The following TBC1D22A variants were observed in gnomAD, a reference collection of about 807,000 sequenced individuals.
The protein encoded by TBC1D22A is putative GTPase activator.
In TBC1D22A, 38 loss-of-function variants were observed where a neutral mutation model predicts 60.2. The observed-to-expected ratio is 0.63, with a 90% confidence interval of 0.49 to 0.83. The LOEUF (loss-of-function observed/expected upper bound fraction) is 0.83. Ranked by LOEUF, TBC1D22A falls within the 40% of genes least tolerant of loss-of-function variation. The pLI, the probability that TBC1D22A is intolerant of heterozygous loss-of-function variation, is 0.00. For missense variants in TBC1D22A, 628 were observed against 701.0 expected (o/e 0.90, Z 1.18); for synonymous variants, 302 against 281.7 (o/e 1.07, Z -0.72).
intron 6 of TBC1D22A, among the ~76,000 whole-genome samples, chr22:46,892,346 G>T (rs898747101): frequency 1.1e-4 from 16 of 151,348 alleles, no homozygotes; most frequent in African/African-American, 3.6e-4. Flanking sequence ...ACATAACAAA[G>T]ATTCTTTAAG....
At chr22:47,007,410 G>A (rs1230258791) in intron 10 of TBC1D22A, among the ~76,000 whole-genome samples, 2 of 152,246 alleles carry the variant, frequency 1.3e-5, no homozygotes, top group African/African-American at 4.8e-5. Flanking sequence ...AGAGCTACAG[G>A]TGCATTGTAA....
intron 7 of TBC1D22A, among the ~76,000 whole-genome samples, chr22:46,900,238 G>A (rs918685685): frequency 8.8e-5 from 13 of 148,408 alleles, no homozygotes; most frequent in East Asian, 2.1e-4. Flanking sequence ...TGCAACCTCC[G>A]CCTCCTGGGT....
Position 47,174,520 on chromosome 22 carries a change from G to A in TBC1D22A, c.*894G>A, listed in dbSNP as rs1352575550. On this transcript the variant is annotated 3_prime_UTR_variant, in exon 13 of 13. Coordinates refer to ENST00000337137, the MANE Select transcript of TBC1D22A (RefSeq NM_014346.5). ...CACAGTGCTCTTCTCACCGCAGCCT[G>A]GAAGCGGAATGAGCTTTTGGAGACT... 6.6e-6 allele frequency: 1 copy of A among 152,268 alleles called. No homozygotes were observed. Among genetic ancestry groups the A allele is most frequent in the Non-Finnish European group, 1.5e-5 (1 of 68,080 alleles). The allele number at this position is 152,268 out of a possible 1,614,324, so 9.4% of individuals were successfully genotyped here.
intron 12 of TBC1D22A, among the ~76,000 whole-genome samples, chr22:47,146,860 G>A (rs1178155818): frequency 6.6e-6 from 1 of 152,246 alleles, no homozygotes; most frequent in Non-Finnish European, 1.5e-5. Context: ...CAGGTCAAGA[G>A]GCTAGGAGAG....
rs773347703 is a variant in TBC1D22A, at chr22:46,912,136, T to C, written c.963T>C (p.Gly321=). Residue 321 remains glycine (G), a synonymous_variant, in exon 8 of 13, where the codon GGT becomes GGC. Coordinates refer to ENST00000337137, the MANE Select transcript of TBC1D22A (RefSeq NM_014346.5). ...IRHPASGYVQ[G]INDLVTPFFV... ...ACCCAGCCAGTGGATACGTTCAGGG[T>C]ATAAATGATCTCGTCACTCCTTTCT... 2 of 1,614,140 alleles carry C rather than the reference T, an allele frequency of 1.2e-6. No homozygotes were observed. Among genetic ancestry groups the C allele is most frequent in the African/African-American group, 2.7e-5 (2 of 75,054 alleles).
chr22:46,852,611 C>G (rs907627877), intron 4 of TBC1D22A, among the ~76,000 whole-genome samples: 1 of 152,158 alleles, frequency 6.6e-6, no homozygotes, highest in African/African-American at 2.4e-5. Context: ...TCCACGAGGC[C>G]TCTGCCTTTG....
At chr22:47,117,879 T>C (rs1569457131) in intron 12 of TBC1D22A, among the ~76,000 whole-genome samples, 2 of 152,108 alleles carry the variant, frequency 1.3e-5, no homozygotes, top group Admixed American at 1.3e-4. Context: ...TCCCAGCACT[T>C]TGGGAGGCAG....
At chr22:46,902,952 G>A (rs550920382) in intron 7 of TBC1D22A, among the ~76,000 whole-genome samples, 3 of 151,088 alleles carry the variant, frequency 2.0e-5, no homozygotes, top group African/African-American at 2.5e-5. Context: ...TTCCAGGGTG[G>A]CTGAAAGAAT....
intron 10 of TBC1D22A, among the ~76,000 whole-genome samples, chr22:47,029,960 G>A (rs1221708373): frequency 6.6e-6 from 1 of 152,210 alleles, no homozygotes; most frequent in East Asian, 1.9e-4. Flanking sequence ...GGTTCTTGGT[G>A]TTCTGGCTGG....
intron 8 of TBC1D22A, among the ~76,000 whole-genome samples, chr22:46,936,508 C>T (rs1286567311): frequency 1.3e-5 from 2 of 152,286 alleles, no homozygotes; most frequent in Non-Finnish European, 2.9e-5. Context: ...GGCCTGGGGC[C>T]AGGGCCGGCA....
chr22:47,167,046 C>T (rs1205586743), intron 12 of TBC1D22A, among the ~76,000 whole-genome samples: 1 of 152,238 alleles, frequency 6.6e-6, no homozygotes, highest in African/African-American at 2.4e-5. Context: ...GTTTAGTATA[C>T]AGCTAATGCA....
Position 46,882,263 on chromosome 22 carries a change from G to T in TBC1D22A, c.708+3540G>T, listed in dbSNP as rs113065224. ...ATGCAGTCCACAGAGTGCCTACCCT[G>T]CGGCTAGGCAGGGAATGGGAGGCGA... On this transcript the variant is annotated intron_variant, in intron 5 of 12. Coordinates refer to ENST00000337137, the MANE Select transcript of TBC1D22A (RefSeq NM_014346.5). 9.3e-4 allele frequency among the ~76,000 whole-genome samples: 142 copies of T among 152,262 alleles called. 1 individual carries two copies. The highest frequency in any genetic ancestry group is 3.2e-3 in the African/African-American group (133 of 41,540).
intron 12 of TBC1D22A, among the ~76,000 whole-genome samples, chr22:47,117,918 T>C (rs1476234700): frequency 6.6e-6 from 1 of 151,294 alleles, no homozygotes; most frequent in African/African-American, 2.4e-5. Context: ...AGGTTAGGAG[T>C]TCGAGACCAG....
intron 10 of TBC1D22A, among the ~76,000 whole-genome samples, chr22:47,025,615 G>A (rs1434153406): frequency 6.6e-6 from 1 of 152,222 alleles, no homozygotes; most frequent in East Asian, 1.9e-4. Context: ...GAAACGTATA[G>A]TACTTCCCTT....
At chr22:46,829,228 C>T (rs1057223699) in intron 4 of TBC1D22A, among the ~76,000 whole-genome samples, 4 of 152,190 alleles carry the variant, frequency 2.6e-5, no homozygotes, top group Non-Finnish European at 5.9e-5. Context: ...TTCATAGTTA[C>T]TTGTGGCCTG....
intron 8 of TBC1D22A, among the ~76,000 whole-genome samples, chr22:46,926,464 C>A (rs947048818): frequency 6.6e-6 from 1 of 152,190 alleles, no homozygotes; most frequent in South Asian, 2.1e-4. Flanking sequence ...AACAGAGAAA[C>A]TCCTAGAAAC....
At chr22:47,142,639 ACCATCCATCCAT>A (rs1264614769) in intron 12 of TBC1D22A, among the ~76,000 whole-genome samples, 2 of 112,950 alleles carry the variant, frequency 1.8e-5, no homozygotes, top group Admixed American at 9.6e-5. Flanking sequence ...TCACCTGCCC[ACCATCCATCCAT>A]CCATCCATCC....
At chr22:46,808,819 C>T (rs1601951073) in intron 4 of TBC1D22A, among the ~76,000 whole-genome samples, 1 of 152,348 alleles carries the variant, frequency 6.6e-6, no homozygotes, top group East Asian at 1.9e-4. Flanking sequence ...TGGTCTCAAT[C>T]TCCTGACCTC....
intron 9 of TBC1D22A, among the ~76,000 whole-genome samples, chr22:46,994,837 T>A (rs1039680975): frequency 1.3e-5 from 2 of 152,232 alleles, no homozygotes; most frequent in Non-Finnish European, 2.9e-5. Flanking sequence ...GCTCCTGTTA[T>A]CCAATCTCTG....
Sources: allele counts gnomAD v4.1 joint callset (sites outside exome capture counted in the v4.1 genomes callset), GRCh38; gene constraint gnomAD v4.1.1; transcripts MANE v1.5; gene names NCBI Gene and HGNC (gene_info 2026-07-23, HGNC 2026-07-21).